MYH7B: variants seen among roughly 807,000 people sequenced by gnomAD.
MYH7B encodes the protein myosin-7B.
In MYH7B, 205 loss-of-function variants were observed where a neutral mutation model predicts 234.5. That is an observed-to-expected ratio of 0.87 (90% confidence interval 0.78 to 0.98). The LOEUF (loss-of-function observed/expected upper bound fraction) is 0.98. MYH7B is among the 50% of genes least tolerant of loss of function. The pLI, the probability that MYH7B is intolerant of heterozygous loss-of-function variation, is 0.00. For missense variants in MYH7B, 2,652 were observed against 2,633.4 expected (o/e 1.01, Z -0.15); for synonymous variants, 1,193 against 1,105.0 (o/e 1.08, Z -1.58).
In MYH7B at chr20:34,998,340, G is replaced by A. The variant is rs768400717; in HGVS notation, c.3793G>A (p.Glu1265Lys). 1.2e-5 allele frequency: 19 copies of A among 1,613,888 alleles called. No individual in the cohort carries two copies. Among genetic ancestry groups the A allele is most frequent in the Middle Eastern group, 3.3e-4 (2 of 6,084 alleles). The change falls in exon 33 of 45, where the codon GAG becomes AAG. Residue 1265 changes from glutamate (E) to lysine (K), a missense_variant. Around this residue, in one of 3 missense-constraint regions of MYH7B, gnomAD observed 2,279 missense variants for 2,211.4 expected, o/e 1.03. Coordinates refer to ENST00000262873, the Ensembl canonical transcript of MYH7B. ...CCGGACCTATGAGGATCAGCTAAGC[G>A]AGGCCAAGATCAAGGTGGAGGAGCT...
chr20:34,980,478 C>G, intron 7 of MYH7B, 100 bp from the exon 8 acceptor site: 1 of 1,076,684 alleles, frequency 9.3e-7, no homozygotes, highest in South Asian at 1.4e-5. Flanking sequence ...GCGGAGGTTG[C>G]GGTGAGCCGA....
At chr20:34,985,336 C>T (rs1166917071) in intron 13 of MYH7B, among the ~76,000 whole-genome samples, 6 of 152,106 alleles carry the variant, frequency 3.9e-5, no homozygotes, top group South Asian at 2.1e-4. Context: ...CTCCTCTACG[C>T]GGCCATAGTT....
At chr20:34,977,738 G>GGGAGGGGGGGGGGGGGGGGT in intron 4 of MYH7B, 58 bp downstream of exon 4, 1 of 317,154 alleles carries the variant, frequency 3.2e-6, no homozygotes, top group Non-Finnish European at 5.9e-6. Flanking sequence ...GGGCGGGTGG[G>GGGAGGGGGGGGGGGGGGGGT]TGAGGGTGCC....
intron 14 of MYH7B, 81 bp downstream of exon 14, chr20:34,986,279 G>A: frequency 2.6e-6 from 3 of 1,141,670 alleles, no homozygotes; most frequent in Non-Finnish European, 3.9e-6. Flanking sequence ...ATCAGGCCAG[G>A]CCCTGGTGGT....
chr20:34,977,910 T>A, intron 4 of MYH7B, 24 bp from the exon 5 acceptor site: 1 of 1,612,586 alleles, frequency 6.2e-7, no homozygotes, highest in Non-Finnish European at 8.5e-7. Flanking sequence ...CTAGTTCAGC[T>A]CCCTTGTCAC....
intron 7 of MYH7B, 51 bp downstream of exon 7, chr20:34,979,855 G>A (rs563191732): frequency 6.3e-7 from 1 of 1,588,866 alleles, no homozygotes; most frequent in Admixed American, 1.7e-5. Flanking sequence ...ATGTGGGGCG[G>A]GGCTAGAGAT....
chr20:34,992,294 G>A (rs997635701), intron 24 of MYH7B, among the ~76,000 whole-genome samples: 4 of 151,238 alleles, frequency 2.6e-5, no homozygotes, highest in African/African-American at 7.3e-5. Flanking sequence ...GCTGAGGCAG[G>A]AGAATGGCCT....
chr20:34,968,738 C>T (rs1012126810), intron 2 of MYH7B, among the ~76,000 whole-genome samples: 2 of 152,218 alleles, frequency 1.3e-5, no homozygotes, highest in African/African-American at 4.8e-5. Flanking sequence ...AGCTGTGCAG[C>T]AAGGGGCGTG....
In MYH7B at chr20:35,001,526, G is replaced by A. The variant is rs747847946; in HGVS notation, c.5676G>A (p.Ala1892=). The A allele has an allele frequency of 1.5e-5, 24 of 1,603,580 alleles. 1 individual carries two copies. Among genetic ancestry groups the A allele is most frequent in the East Asian group, 1.4e-4 (6 of 44,248 alleles). Residue 1892 remains alanine, a splice_region_variant and synonymous_variant, in exon 43 of 45, where the codon GCG becomes GCA. Coordinates refer to ENST00000262873, the Ensembl canonical transcript of MYH7B. The stretch of plus-strand genomic sequence containing the variant: ...GCTACAAGCGCCAGTTTGAGGAGGC[G>A]GTGAGTGCGCTGGGGCCTGGACACC...
chr20:34,997,402 G>T, exon 32 of MYH7B: 2 of 1,482,632 alleles, frequency 1.3e-6, no homozygotes, highest in Non-Finnish European at 1.8e-6. Context: ...CAGCGCGAGG[G>T]CTGCCGCAAG....
At chr20:34,975,586 CA>C in intron 3 of MYH7B, 87 bp downstream of exon 3, 1 of 674,840 alleles carries the variant, frequency 1.5e-6, no homozygotes. Context: ...ACTGTAATGG[CA>C]AAAGACTGAA....
intron 44 of MYH7B, 39 bp from the exon 45 acceptor site, chr20:35,002,138 C>CAGGT (rs761347957): frequency 5.0e-6 from 8 of 1,603,998 alleles, no homozygotes; most frequent in Non-Finnish European, 6.8e-6. Flanking sequence ...TGGGGGCTGA[C>CAGGT]AGGTAGTACT....
chr20:35,000,651 T>C lies in MYH7B; in HGVS notation c.5140T>C (p.Leu1714=), dbSNP rs77382367. The stretch of plus-strand genomic sequence containing the variant: ...CCGGCGACTGGCAGAGCAGGAGCTT[T>C]TGGAGGCCACCGAGCGCCTCAACCT... Residue 1714 remains leucine, a synonymous_variant, in exon 39 of 45, where the codon TTG becomes CTG. Transcript: ENST00000262873. 36 of 1,583,316 alleles carry C rather than the reference T, an allele frequency of 2.3e-5. No homozygotes were observed. In the African/African-American group the frequency reaches 3.5e-4, roughly 15 times the overall value.
At chr20:34,995,568 C>G (rs1182357909) in exon 28 of MYH7B, 1 of 1,614,062 alleles carries the variant, frequency 6.2e-7, no homozygotes, top group Non-Finnish European at 8.5e-7. Context: ...AAGCAAGCCA[C>G]TGAGAACAAG....
In MYH7B at chr20:34,984,995, C is replaced by T. The variant is rs768329752; in HGVS notation, c.741+49C>T. ...TGGCGGGGATGCCGTAGGCCACCAG[C>T]GGCAGGTCGGGCACAGGTGGGGACA... On this transcript the variant is annotated intron_variant, in intron 12 of 44. Coordinates refer to ENST00000262873, the Ensembl canonical transcript of MYH7B. 6.2e-6 allele frequency: 10 copies of T among 1,607,322 alleles called. 1 individual carries two copies. Among genetic ancestry groups the T allele is most frequent in the African/African-American group, 2.7e-5 (2 of 74,784 alleles).
chr20:34,999,198 G>A, exon 36 of MYH7B: 1 of 1,612,852 alleles, frequency 6.2e-7, no homozygotes, highest in Non-Finnish European at 8.5e-7. Context: ...GGCGACCTCA[G>A]CAGCTGCTGC....
rs200875713 is a variant in MYH7B at position 34,989,995 on chromosome 20, A to C, written c.1768-19A>C. ...TCCAGGTCTCCCACCCGGGCTCAGC[A>C]CCTGACTTGTCTCTCCAGGTGCCTT... On this transcript the variant is annotated intron_variant, in intron 20 of 44. Transcript: ENST00000262873. The C allele has an allele frequency of 4.3e-6, 7 of 1,613,670 alleles. No individual in the cohort carries two copies. Among genetic ancestry groups the C allele is most frequent in the Non-Finnish European group, 5.9e-6 (7 of 1,179,876 alleles).
chr20:34,985,145 G>C lies in MYH7B; in HGVS notation c.805+16G>C, dbSNP rs376665168. 2.5e-6 allele frequency: 4 copies of C among 1,613,468 alleles called. No homozygotes were observed. In the African/African-American group the frequency reaches 5.3e-5, roughly 22 times the overall value. ...ATTGACAGCTGTGAGTCAACCCCCTGCGGGCGGTGCAGGGGAAGGAGGCCT... is the reference window on the plus strand; with the variant it reads ...ATTGACAGCTGTGAGTCAACCCCCTCCGGGCGGTGCAGGGGAAGGAGGCCT... On this transcript the variant is annotated intron_variant, in intron 13 of 44. Transcript: ENST00000262873.
In MYH7B at chr20:34,969,864, A is replaced by G. The variant is rs181071084; in HGVS notation, c.-221-5536A>G. On this transcript the variant is annotated intron_variant, in intron 2 of 44. Transcript: ENST00000262873. ...CCGGCCACAACTTTTTTTTTTTTGT[A>G]ACCTAATGATCTATCTTGGAAATAA... Among the ~76,000 whole-genome samples, 31 of 151,060 alleles carry G rather than the reference A, an allele frequency of 2.1e-4. No individual in the cohort carries two copies. In the East Asian group the frequency reaches 4.6e-3, roughly 23 times the overall value.
Sources: allele counts gnomAD v4.1 joint callset (sites outside exome capture counted in the v4.1 genomes callset), GRCh38; gene constraint gnomAD v4.1.1; regional missense constraint gnomAD v4.1.1; transcripts MANE v1.5; gene names NCBI Gene and HGNC (gene_info 2026-07-23, HGNC 2026-07-21).